Variants in RGS11 observed in about 807,000 individuals in gnomAD.
RGS11 encodes regulator of G-protein signaling 11.
Under a neutral mutation model 71.1 loss-of-function variants are expected in RGS11, and 86 were observed. The ratio of observed to expected loss-of-function variants is 1.21; its 90% confidence interval spans 1.02 to 1.45. The LOEUF is 1.45. Among genes scored for constraint, RGS11 ranks in the 40% most tolerant of loss-of-function variants. The pLI is 0.00. For missense variants in RGS11, 734 were observed against 635.1 expected, an observed-to-expected ratio of 1.16 and a Z score of -1.67; for synonymous variants, 298 against 254.2, an observed-to-expected ratio of 1.17 and a Z score of -1.64.
In RGS11 at chr16:270,668, G is replaced by A. The variant is rs372559139; in HGVS notation, c.1068-7C>T. 2.7e-4 allele frequency: 431 copies of A among 1,610,224 alleles called. 2 individuals carry two copies. The highest frequency in any genetic ancestry group is 2.3e-3 in the Middle Eastern group (14 of 6,054). Reference sequence around the variant, plus strand: ...TCCGGGGGCCAGGAACTGCCTAGGGGTGGGGACAGCACTGGGTAGTCTCGG... The same window carrying A: ...TCCGGGGGCCAGGAACTGCCTAGGGATGGGGACAGCACTGGGTAGTCTCGG... On this transcript the variant is annotated splice_region_variant and splice_polypyrimidine_tract_variant and intron_variant, in intron 14 of 16. Transcript: ENST00000397770.
At position 269,825 on chromosome 16, in the gene RGS11, G is replaced by A. The variant is rs1253265151; in HGVS notation, c.1207-240C>T. The A allele has an allele frequency of 7.9e-6, 4 of 507,122 alleles. No individual in the cohort carries two copies. The Admixed American group carries it at 1.1e-4, about 14-fold the overall frequency. The allele number at this position is 507,122 out of a possible 1,614,324, so 31.4% of individuals were successfully genotyped here. A position where few individuals can be genotyped will look rare whatever the true frequency, so the allele number is the denominator to read the frequency against. ...ATGGCAAGAGCCCTGGTGGCCACGT[G>A]TAGAGGAATAAACCGCGGCACCTCC... On this transcript the variant is annotated intron_variant, in intron 15 of 16. Transcript: ENST00000397770.
rs531502136 is a variant in RGS11, at chr16:275,883, C to T, written c.29G>A (p.Gly10Asp). Reference sequence around the variant, plus strand: ...ATGCGGCATCTGCGCCCGGGGGCGGCCGGGGGGCGGCGCGGGGCCGGCGGC... The same window carrying T: ...ATGCGGCATCTGCGCCCGGGGGCGGTCGGGGGGCGGCGCGGGGCCGGCGGC... MAAGPAPPP[G>D]RPRAQMPHLR... Residue 10 changes from glycine to aspartate, a missense_variant, in exon 1 of 17, where the codon GGC becomes GAC. Physicochemically the swap from Gly to Asp is moderately conservative, Grantham distance 94. Transcript: ENST00000397770. 273 of 964,166 alleles carry T rather than the reference C, an allele frequency of 2.8e-4. No homozygotes were observed. The African/African-American group carries it at 4.0e-3, about 14-fold the overall frequency. The allele number at this position is 964,166 out of a possible 1,614,324, so 59.7% of individuals were successfully genotyped here. A position where few individuals can be genotyped will look rare whatever the true frequency, so the allele number is the denominator to read the frequency against.
Position 269,029 on chromosome 16 carries a change from A to G in RGS11, c.*240T>C. On this transcript the variant is annotated 3_prime_UTR_variant, in exon 17 of 17. Coordinates refer to ENST00000397770, the MANE Select transcript of RGS11 (RefSeq NM_183337.3). ...AGGTAACAGGCTCTGCCCTGACCCA[A>G]GCTGAGCCAATGAACCCCCTCCCTG... 7.7e-7 allele frequency: 1 copy of G among 1,294,606 alleles called. No individual in the cohort carries two copies. The allele number at this position is 1,294,606 out of a possible 1,614,324, so 80.2% of individuals were successfully genotyped here. A position where few individuals can be genotyped will look rare whatever the true frequency, so the allele number is the denominator to read the frequency against.
Position 271,474 on chromosome 16 carries a change from C to G in RGS11, c.688-14G>C. 1 of 1,613,978 alleles carries G rather than the reference C, an allele frequency of 6.2e-7. No homozygotes were observed. Among genetic ancestry groups the G allele is most frequent in the Non-Finnish European group, 8.5e-7 (1 of 1,180,022 alleles). ...GAAGTACTCGATCTAGGATGTGGGG[C>G]CTGTGAGTCAGGTCCCGGGCTGGGG... On this transcript the variant is annotated splice_polypyrimidine_tract_variant and intron_variant, in intron 10 of 16. Coordinates refer to ENST00000397770, the MANE Select transcript of RGS11 (RefSeq NM_183337.3).
In RGS11 at chr16:270,634, G is replaced by A; in HGVS notation, c.1095C>T (p.His365=). Residue 365 remains histidine, a synonymous_variant, in exon 15 of 17, where the codon CAC becomes CAT. Transcript: ENST00000397770. ...YEQFLAPGAA[H]WVNIDSRTME... ...TGGTCCGGCTGTCGATGTTGACCCAGTGGGCAGCTCCGGGGGCCAGGAACT... is the reference window on the plus strand; with the variant it reads ...TGGTCCGGCTGTCGATGTTGACCCAATGGGCAGCTCCGGGGGCCAGGAACT... 3 of 1,609,224 alleles carry A rather than the reference G, an allele frequency of 1.9e-6. No individual in the cohort carries two copies. The highest frequency in any genetic ancestry group is 2.5e-6 in the Non-Finnish European group (3 of 1,178,496).
Position 268,660 on chromosome 16 carries a change from G to A in RGS11, c.*609C>T, listed in dbSNP as rs889083926. ...GCCTCGAGGTGGGAAAGCAGGTGCCGGCGCACCTGTGGACAAATTCTGGAA... is the reference window on the plus strand; with the variant it reads ...GCCTCGAGGTGGGAAAGCAGGTGCCAGCGCACCTGTGGACAAATTCTGGAA... On this transcript the variant is annotated 3_prime_UTR_variant, in exon 17 of 17. Transcript: ENST00000397770. The A allele has an allele frequency of 1.6e-5, 17 of 1,070,688 alleles. No homozygotes were observed. Among genetic ancestry groups the A allele is most frequent in the Admixed American group, 1.3e-4 (6 of 46,832 alleles). 66.3% of individuals were successfully genotyped at this position (1,070,688 alleles called of 1,614,324 possible). A position where few individuals can be genotyped will look rare whatever the true frequency, so the allele number is the denominator to read the frequency against.
chr16:271,052 A>T lies in RGS11; in HGVS notation c.911T>A (p.Phe304Tyr), dbSNP rs1255224888. 1.9e-6 allele frequency: 3 copies of T among 1,612,478 alleles called. No homozygotes were observed. The East Asian group carries it at 6.7e-5, about 36-fold the overall frequency. ...KLRVERWGFS[F>Y]RELLEDPVGR... ...CACGGGGTCCTCCAGGAGCTCCCGG[A>T]AGCTGAAGCCCCATCTCTCCACACG... Residue 304 changes from phenylalanine to tyrosine, a missense_variant, in exon 13 of 17, where the codon TTC becomes TAC. Phe to Tyr is a conservative substitution (Grantham distance 22). Transcript: ENST00000397770.
At chr16:275,143 G>A in intron 3 of RGS11, 61 bp from the exon 4 acceptor site, 13 of 1,517,286 alleles carry the variant, frequency 8.6e-6, no homozygotes, top group South Asian at 5.2e-5. Context: ...GGGACGAGCC[G>A]GGCCTCCTCT....
chr16:271,732 C>T, intron 9 of RGS11, 163 bp from the exon 10 acceptor site: 1 of 667,632 alleles, frequency 1.5e-6, no homozygotes, highest in Non-Finnish European at 2.6e-6. Context: ...TTCTTCCAAT[C>T]AGGGATCTTT....
chr16:272,953 A>C, intron 8 of RGS11, 22 bp from the exon 9 acceptor site: 2 of 1,479,494 alleles, frequency 1.4e-6, no homozygotes, highest in Non-Finnish European at 1.8e-6. Flanking sequence ...AGACGAGATG[A>C]GGTGGGGATG....
rs763857887 is a variant in RGS11, at chr16:268,828, G to A, written c.*441C>T. 2.3e-4 allele frequency: 355 copies of A among 1,550,308 alleles called. 1 individual carries two copies. The highest frequency in any genetic ancestry group is 5.0e-4 in the Middle Eastern group (3 of 6,014). On this transcript the variant is annotated 3_prime_UTR_variant, in exon 17 of 17. Coordinates refer to ENST00000397770, the MANE Select transcript of RGS11 (RefSeq NM_183337.3). ...TCTTGGACGGGGCAGAGCTCGCGCC[G>A]AGACCTGCATGTCCGCGTCTTGTGA...
In RGS11 at chr16:274,250, T is replaced by A; in HGVS notation, c.334A>T (p.Thr112Ser). ...TCTGCAGCCGGCCTCAGGGTACTTGTCCAGAAGTACGGGGTCTGGCGTGGT... is the reference window on the plus strand; with the variant it reads ...TCTGCAGCCGGCCTCAGGGTACTTGACCAGAAGTACGGGGTCTGGCGTGGT... ...PYRFQTPYFW[T>S]STLRPAAELD... The change falls in exon 5 of 17, where the codon ACA (threonine) becomes TCA (serine). Residue 112 changes from threonine to serine, a missense_variant. By Grantham distance (58) the Thr-to-Ser change is moderately conservative. Transcript: ENST00000397770. 1 of 1,611,180 alleles carries A rather than the reference T, an allele frequency of 6.2e-7. No individual in the cohort carries two copies. Among genetic ancestry groups the A allele is most frequent in the Non-Finnish European group, 8.5e-7 (1 of 1,179,006 alleles).
At chr16:275,155 C>G (rs971193692) in intron 3 of RGS11, 73 bp from the exon 4 acceptor site, 2 of 1,552,420 alleles carry the variant, frequency 1.3e-6, no homozygotes, top group African/African-American at 2.7e-5. Flanking sequence ...GCCTCCTCTC[C>G]CCTATGTGCT....
At chr16:271,867 A>G in intron 9 of RGS11, 1 of 460,428 alleles carries the variant, frequency 2.2e-6, no homozygotes, top group Non-Finnish European at 3.9e-6. Flanking sequence ...AGACAGTTTC[A>G]CTCTTGTTTC....
At chr16:275,753 C>A in intron 1 of RGS11, 96 bp downstream of exon 1, 1 of 264,276 alleles carries the variant, frequency 3.8e-6, no homozygotes, top group South Asian at 2.0e-4. Context: ...AGGCCCGCCC[C>A]GCCCCGCGCG....
chr16:270,945 T>TC lies in RGS11; in HGVS notation c.979+38dup, dbSNP rs1427167104. ...GCGGGAGGGGTCCCAGGCAGCAGCC[T>TC]CCCCGCTGGGACTGGAGCAGGGGCT... On this transcript the variant is annotated intron_variant, in intron 13 of 16. Transcript: ENST00000397770. 5.7e-6 allele frequency: 9 copies of TC among 1,572,200 alleles called. No individual in the cohort carries two copies. In the South Asian group the frequency reaches 8.9e-5, roughly 16 times the overall value.
At chr16:271,917 A>G (rs924690822) in intron 9 of RGS11, 7 of 327,132 alleles carry the variant, frequency 2.1e-5, no homozygotes, top group Non-Finnish European at 2.9e-5. Context: ...GCTCACCGCA[A>G]CCTCCGCCTC....
chr16:269,709 T>A, intron 15 of RGS11, 124 bp from the exon 16 acceptor site: 1 of 772,816 alleles, frequency 1.3e-6, no homozygotes, highest in Non-Finnish European at 2.1e-6. Context: ...GCGGACAGGG[T>A]GCTGGAGGCA....
rs575765723 is a variant in RGS11, at chr16:272,055, C to T, written c.658-486G>A. Reference sequence around the variant, plus strand: ...TTCTCCATGTTGATCTAGCTGGTCTCGAACTCCTGAACTCAGGTGATCTGC... The same window carrying T: ...TTCTCCATGTTGATCTAGCTGGTCTTGAACTCCTGAACTCAGGTGATCTGC... On this transcript the variant is annotated intron_variant, in intron 9 of 16. Transcript: ENST00000397770. 4.0e-5 allele frequency: 23 copies of T among 578,114 alleles called. No individual in the cohort carries two copies. In the East Asian group the frequency reaches 5.5e-4, roughly 14 times the overall value. 35.8% of individuals were successfully genotyped at this position (578,114 alleles called of 1,614,324 possible).
Sources: allele counts gnomAD v4.1 joint callset, GRCh38; gene constraint gnomAD v4.1.1; transcripts MANE v1.5; gene names NCBI Gene and HGNC (gene_info 2026-07-23, HGNC 2026-07-21).